EPN2: variants seen among roughly 807,000 people sequenced by gnomAD.
The protein encoded by EPN2 is epsin-2.
EPN2 carries 34 observed loss-of-function variants against 61.7 expected under a neutral mutation model. That is an observed-to-expected ratio of 0.55 (90% CI 0.42 to 0.73). The LOEUF is 0.73. EPN2 is among the 30% of genes least tolerant of loss of function. EPN2 has a pLI of 0.00. For missense variants in EPN2, 714 were observed against 839.2 expected (o/e 0.85, Z 1.84); for synonymous variants, 349 against 353.6 (o/e 0.99, Z 0.15).
intron 4 of EPN2, chr17:19,308,636 C>A (rs1905970710): frequency 1.0e-6 from 1 of 985,222 alleles, no homozygotes. Flanking sequence ...GAACAGCCTG[C>A]ACGGAGACCC....
rs71155390 is a variant in EPN2, at chr17:19,293,534, C to CTT, written c.766+7768_766+7769dup. Reference sequence around the variant, plus strand: ...TACAGGTGCATGCCACCATACCCAGCTTTTTTTTTTTTTTTTTTTTTTTTT... The same window carrying CTT: ...TACAGGTGCATGCCACCATACCCAGCTTTTTTTTTTTTTTTTTTTTTTTTTTT... On this transcript the variant is annotated intron_variant, in intron 4 of 10. Transcript: ENST00000314728. Among the ~76,000 whole-genome samples the CTT allele has an allele frequency of 1.9e-3, 98 of 52,454 alleles. 1 individual carries two copies. The highest frequency in any genetic ancestry group is 3.0e-3 in the Non-Finnish European group (88 of 29,388). The allele number at this position is 52,454 out of a possible 152,430, so 34.4% of individuals were successfully genotyped here.
In EPN2 at chr17:19,283,391, G is replaced by A. The variant is rs750259068; in HGVS notation, c.272G>A (p.Arg91His). 8 of 1,614,088 alleles carry A rather than the reference G, an allele frequency of 5.0e-6. No homozygotes were observed. The highest frequency in any genetic ancestry group is 1.3e-5 in the African/African-American group (1 of 74,946). The stretch of plus-strand genomic sequence containing the variant: ...TACCTCATCAAGACAGGCTCCGAAC[G>A]TGTGGCCCAGCAGTGCCGGGAGAAC... ...LDYLIKTGSERVAQQCRENIF... is the reference protein window; with the variant it reads ...LDYLIKTGSEHVAQQCRENIF... Residue 91 changes from arginine to histidine, a missense_variant, in exon 3 of 11, where the codon CGT (arginine) becomes CAT (histidine). By Grantham distance (29) the Arg-to-His change is conservative. Around this residue, in one of 2 missense-constraint regions of EPN2, gnomAD observed 304 missense variants for 417.4 expected, o/e 0.73. Transcript: ENST00000314728. This position sits in a 1 kb window ranked among gnomAD's most constrained non-coding sequence, Gnocchi z 7.0.
At chr17:19,279,385 G>C (rs1312406212) in intron 1 of EPN2, among the ~76,000 whole-genome samples, 1 of 152,144 alleles carries the variant, frequency 6.6e-6, no homozygotes, top group Non-Finnish European at 1.5e-5. Context: ...GTCACCAGAT[G>C]GGGGAGGGCA....
intron 1 of EPN2, among the ~76,000 whole-genome samples, chr17:19,255,546 A>G (rs1448405427): frequency 7.3e-6 from 1 of 137,830 alleles, no homozygotes; most frequent in African/African-American, 2.7e-5. Flanking sequence ...CTTAATCAGC[A>G]TCCTCTGGGG....
In EPN2 at chr17:19,309,483, G is replaced by C. The variant is rs186769139; in HGVS notation, c.767-402G>C. ...CCTGGAGTGGAGTCTTTGGTCTCCA[G>C]ATGCCCTCCACCTGTTTGAAGGATG... On this transcript the variant is annotated intron_variant, in intron 4 of 10. Coordinates refer to ENST00000314728, the MANE Select transcript of EPN2 (RefSeq NM_014964.5). Among the ~76,000 whole-genome samples, 6 of 152,294 alleles carry C rather than the reference G, an allele frequency of 3.9e-5. No homozygotes were observed. In the South Asian group the frequency reaches 1.0e-3, roughly 26 times the overall value.
intron 7 of EPN2, among the ~76,000 whole-genome samples, chr17:19,319,911 T>G (rs59415593): frequency 0.18 from 27,194 of 152,284 alleles, 3,147 homozygotes; most frequent in East Asian, 0.6. Flanking sequence ...CCCCAAGTGT[T>G]GGGATTACAG....
At chr17:19,256,548 G>A (rs2045081812) in intron 1 of EPN2, among the ~76,000 whole-genome samples, 1 of 152,034 alleles carries the variant, frequency 6.6e-6, no homozygotes, top group Non-Finnish European at 1.5e-5. Flanking sequence ...AAAGGATGGA[G>A]TCTGGGAGGA....
chr17:19,266,997 G>A (rs533299494), intron 1 of EPN2, among the ~76,000 whole-genome samples: 6 of 148,574 alleles, frequency 4.0e-5, no homozygotes, highest in East Asian at 2.2e-4. Context: ...TAGCCACCAC[G>A]CCTGGCTAAT....
intron 4 of EPN2, among the ~76,000 whole-genome samples, chr17:19,294,073 G>C (rs1437269584): frequency 2.0e-5 from 3 of 150,730 alleles, no homozygotes; most frequent in Non-Finnish European, 4.4e-5. Context: ...CTGGGCAACA[G>C]AGCAAGACTC....
intron 4 of EPN2, among the ~76,000 whole-genome samples, chr17:19,286,926 C>A (rs1298814396): frequency 1.3e-5 from 2 of 152,198 alleles, no homozygotes; most frequent in Admixed American, 6.5e-5. Context: ...TTCACCCCCC[C>A]AGATAGTCAG....
intron 1 of EPN2, among the ~76,000 whole-genome samples, chr17:19,278,071 CA>C (rs141413016): frequency 1.8e-4 from 24 of 134,546 alleles, no homozygotes; most frequent in Admixed American, 3.0e-4. Flanking sequence ...GACTATGTCT[CA>C]AAAAAAAAAA....
At chr17:19,280,832 A>T (rs1280810958) in intron 1 of EPN2, among the ~76,000 whole-genome samples, 1 of 152,206 alleles carries the variant, frequency 6.6e-6, no homozygotes, top group Non-Finnish European at 1.5e-5. Flanking sequence ...TTGAGGGCTC[A>T]GTCCCACAAG....
At position 19,334,623 on chromosome 17, in the gene EPN2, C is replaced by T. The variant is rs1458374784; in HGVS notation, c.*369C>T. 1.1e-5 allele frequency: 2 copies of T among 175,966 alleles called. No homozygotes were observed. Among genetic ancestry groups the T allele is most frequent in the East Asian group, 3.0e-4 (2 of 6,704 alleles). 10.9% of individuals were successfully genotyped at this position (175,966 alleles called of 1,614,324 possible). Reference sequence around the variant, plus strand: ...AGTGGCCTTGTCTTTGTCCTCCCCACCCCCCAGCCCTAGGGACACCCCAGG... The same window carrying T: ...AGTGGCCTTGTCTTTGTCCTCCCCATCCCCCAGCCCTAGGGACACCCCAGG... On this transcript the variant is annotated 3_prime_UTR_variant, in exon 11 of 11. Coordinates refer to ENST00000314728, the MANE Select transcript of EPN2 (RefSeq NM_014964.5). This position sits in a 1 kb window ranked among gnomAD's most constrained non-coding sequence, Gnocchi z 4.9.
chr17:19,242,332 T>C (rs1020067809), intron 1 of EPN2, among the ~76,000 whole-genome samples: 3 of 152,082 alleles, frequency 2.0e-5, no homozygotes, highest in Non-Finnish European at 4.4e-5. Flanking sequence ...TCCCAGCTAC[T>C]CAGGAGGCTG....
At chr17:19,253,552 C>A (rs1432039118) in intron 1 of EPN2, among the ~76,000 whole-genome samples, 2 of 151,624 alleles carry the variant, frequency 1.3e-5, no homozygotes, top group Non-Finnish European at 2.9e-5. Flanking sequence ...GTAGCTGGGG[C>A]TACAGGCCTG....
At chr17:19,257,192 T>G (rs772555093) in intron 1 of EPN2, among the ~76,000 whole-genome samples, 1 of 152,160 alleles carries the variant, frequency 6.6e-6, no homozygotes, top group Non-Finnish European at 1.5e-5. Flanking sequence ...TTTAGCTATT[T>G]TGTCTTTGAA....
At chr17:19,274,290 G>C (rs946433538) in intron 1 of EPN2, 1 of 152,280 alleles carries the variant, frequency 6.6e-6, no homozygotes, top group African/African-American at 2.4e-5. Flanking sequence ...CTGGTTGATG[G>C]ACCACACTGG....
chr17:19,257,317 C>T (rs1382861891), intron 1 of EPN2, among the ~76,000 whole-genome samples: 1 of 152,050 alleles, frequency 6.6e-6, no homozygotes, highest in Non-Finnish European at 1.5e-5. Context: ...ATGGTGTTTG[C>T]AGGCTGTGTT....
intron 4 of EPN2, among the ~76,000 whole-genome samples, chr17:19,295,546 A>T (rs1451745378): frequency 6.6e-6 from 1 of 152,108 alleles, no homozygotes; most frequent in East Asian, 1.9e-4. Context: ...AAAAAAAGAA[A>T]AGAAAAGAAA....
Sources: allele counts gnomAD v4.1 joint callset (sites outside exome capture counted in the v4.1 genomes callset), GRCh38; gene constraint gnomAD v4.1.1; regional missense constraint gnomAD v4.1.1; non-coding constraint Gnocchi (gnomAD v3.1); transcripts MANE v1.5; gene names NCBI Gene and HGNC (gene_info 2026-07-23, HGNC 2026-07-21).